Variants in USH2A observed in about 807,000 individuals in gnomAD.
USH2A encodes the protein usherin.
Under a neutral mutation model 538.9 loss-of-function variants are expected in USH2A, and 443 were observed. That is an observed-to-expected ratio of 0.82 (90% confidence interval 0.76 to 0.89). The LOEUF is 0.89. Among genes scored for constraint, USH2A ranks in the 40% least tolerant of loss-of-function variants. The pLI is 0.00. For synonymous variants in USH2A, 2,413 were observed against 2,273.5 expected, an observed-to-expected ratio of 1.06 and a Z score of -1.75; for missense variants, 6,633 against 6,324.8, an observed-to-expected ratio of 1.05 and a Z score of -1.65.
intron 21 of USH2A, chr1:216,174,885 G>C: frequency 9.3e-7 from 1 of 1,075,166 alleles, no homozygotes; most frequent in Non-Finnish European, 1.1e-6. Context: ...TGCATACTGA[G>C]AATCTCCAAT....
At chr1:215,978,910 T>G (rs1486886764) in intron 35 of USH2A, among the ~76,000 whole-genome samples, 1 of 152,176 alleles carries the variant, frequency 6.6e-6, no homozygotes, top group Non-Finnish European at 1.5e-5. Context: ...AGTAAGAAAG[T>G]GCAAGGTTCA....
chr1:216,417,577 T>G (rs2039598840), intron 3 of USH2A, among the ~76,000 whole-genome samples: 1 of 152,160 alleles, frequency 6.6e-6, no homozygotes, highest in African/African-American at 2.4e-5. Flanking sequence ...GATAGAATTC[T>G]CATGAGATCT....
At chr1:216,307,530 C>T (rs1341215291) in intron 9 of USH2A, among the ~76,000 whole-genome samples, 1 of 152,182 alleles carries the variant, frequency 6.6e-6, no homozygotes, top group Non-Finnish European at 1.5e-5. Flanking sequence ...AGGTTTCACA[C>T]CTCCCTGCCT....
At chr1:216,162,892 C>G (rs557738467) in intron 21 of USH2A, among the ~76,000 whole-genome samples, 1 of 152,068 alleles carries the variant, frequency 6.6e-6, no homozygotes, top group East Asian at 1.9e-4. Context: ...GTTGGCCAAG[C>G]ACCCAAAAAA....
intron 37 of USH2A, among the ~76,000 whole-genome samples, chr1:215,959,147 A>AT (rs1459773020): frequency 2.8e-5 from 4 of 144,978 alleles, no homozygotes; most frequent in African/African-American, 9.8e-5. Context: ...AATAATATGT[A>AT]TATATTATAG....
chr1:216,137,261 C>T (rs1054985642), intron 21 of USH2A, among the ~76,000 whole-genome samples: 1 of 152,070 alleles, frequency 6.6e-6, no homozygotes, highest in East Asian at 1.9e-4. Flanking sequence ...TGTTTTCACG[C>T]TGCTGATAAA....
intron 39 of USH2A, among the ~76,000 whole-genome samples, 153 bp from the exon 40 acceptor site, chr1:215,900,370 G>C (rs991738413): frequency 6.6e-6 from 1 of 152,092 alleles, no homozygotes; most frequent in Non-Finnish European, 1.5e-5. Context: ...TTTAAAATAA[G>C]TAGCCATTGG....
intron 47 of USH2A, among the ~76,000 whole-genome samples, chr1:215,830,857 C>T (rs1317695791): frequency 6.6e-6 from 1 of 152,156 alleles, no homozygotes; most frequent in Non-Finnish European, 1.5e-5. Context: ...AAAATAGGAA[C>T]TGACTGTAGT....
chr1:215,828,143 A>T (rs2102806610), intron 47 of USH2A, among the ~76,000 whole-genome samples: 1 of 152,254 alleles, frequency 6.6e-6, no homozygotes, highest in East Asian at 1.9e-4. Context: ...CCCCACATTA[A>T]GTAATTTAAA....
chr1:216,117,333 G>T (rs995544516), intron 21 of USH2A, among the ~76,000 whole-genome samples: 2 of 152,074 alleles, frequency 1.3e-5, no homozygotes, highest in African/African-American at 4.8e-5. Context: ...ATGAATGAAA[G>T]AATAAAATCT....
intron 14 of USH2A, among the ~76,000 whole-genome samples, chr1:216,230,986 T>C (rs988056347): frequency 1.1e-4 from 17 of 150,418 alleles, no homozygotes; most frequent in African/African-American, 3.9e-4. Context: ...TGAAGGCAAA[T>C]GGCCACAGAT....
At chr1:216,393,606 T>TGA (rs2039149850) in intron 3 of USH2A, among the ~76,000 whole-genome samples, 1 of 152,128 alleles carries the variant, frequency 6.6e-6, no homozygotes, top group African/African-American at 2.4e-5. Flanking sequence ...TATTAATGGA[T>TGA]CAAAAATAAT....
intron 47 of USH2A, among the ~76,000 whole-genome samples, chr1:215,820,291 A>T (rs550906692): frequency 1.4e-4 from 21 of 151,072 alleles, no homozygotes; most frequent in African/African-American, 4.8e-4. Flanking sequence ...TCATTCCTTC[A>T]CACACACACA....
At chr1:215,831,739 T>C (rs1342807068) in intron 47 of USH2A, among the ~76,000 whole-genome samples, 1 of 151,982 alleles carries the variant, frequency 6.6e-6, no homozygotes, top group African/African-American at 2.4e-5. Context: ...CTCAAATCAA[T>C]AATGAAAGTT....
intron 38 of USH2A, among the ~76,000 whole-genome samples, chr1:215,903,527 G>A (rs1665555678): frequency 6.6e-6 from 1 of 152,092 alleles, no homozygotes; most frequent in Non-Finnish European, 1.5e-5. Flanking sequence ...AGAATTGCCA[G>A]AGCAAAGTCC....
At chr1:216,101,897 G>GA (rs1442026915) in intron 21 of USH2A, among the ~76,000 whole-genome samples, 1 of 152,080 alleles carries the variant, frequency 6.6e-6, no homozygotes, top group Non-Finnish European at 1.5e-5. Flanking sequence ...CTAAAAATAT[G>GA]AAAAATCCAA....
intron 21 of USH2A, among the ~76,000 whole-genome samples, chr1:216,159,509 A>T (rs184526671): frequency 1.0e-3 from 157 of 150,086 alleles, no homozygotes; most frequent in African/African-American, 3.8e-3. Context: ...TAAAACCTGC[A>T]TGGTCATGAT....
chr1:216,005,497 C>T (rs1479073346), intron 32 of USH2A, among the ~76,000 whole-genome samples: 2 of 152,098 alleles, frequency 1.3e-5, no homozygotes, highest in Non-Finnish European at 1.5e-5. Context: ...ATGACTAACT[C>T]GCATAATTTT....
At chr1:216,389,502 A>G (rs1279244956) in intron 3 of USH2A, among the ~76,000 whole-genome samples, 1 of 152,176 alleles carries the variant, frequency 6.6e-6, no homozygotes, top group Non-Finnish European at 1.5e-5. Flanking sequence ...TTTTCTAATT[A>G]AAATAAAACA....
Sources: gnomAD v4.1 joint callset for allele counts (sites outside exome capture counted in the v4.1 genomes callset) on GRCh38, gnomAD v4.1.1 for gene constraint, MANE v1.5 for transcripts, NCBI Gene and HGNC (gene_info 2026-07-23, HGNC 2026-07-21) for gene names.